BET1L: variants seen among roughly 807,000 people sequenced by gnomAD.
BET1L encodes the protein BET1-like protein.
In BET1L, 13 loss-of-function variants were observed where a neutral mutation model predicts 12.6. The observed-to-expected ratio is 1.03, with a 90% CI of 0.67 to 1.64. BET1L has a LOEUF of 1.64. Among genes scored for constraint, BET1L ranks in the 40% most tolerant of loss-of-function variants. The pLI is 0.00. For missense variants in BET1L, 154 were observed against 150.7 expected, an observed-to-expected ratio of 1.02 and a Z score of -0.11; for synonymous variants, 60 against 56.9, an observed-to-expected ratio of 1.05 and a Z score of -0.25.
chr11:205,905 T>C (rs1366380442), intron 2 of BET1L, 47 bp downstream of exon 2: 3 of 1,590,124 alleles, frequency 1.9e-6, no homozygotes, highest in African/African-American at 2.7e-5. Flanking sequence ...CTGATCCCCA[T>C]TCCCCAAAGG....
In BET1L at chr11:206,007, C is replaced by G. The variant is rs766180065; in HGVS notation, c.56G>C (p.Arg19Pro). 1.9e-6 allele frequency: 3 copies of G among 1,614,026 alleles called. No individual in the cohort carries two copies. The highest frequency in any genetic ancestry group is 2.5e-6 in the Non-Finnish European group (3 of 1,180,022). ...GCTGTCAGCCATTCGCTTGTTCTCC[C>G]GGTCTAGAATCTCTTCCACAGCGCC... ...SPGAVEEILD[R>P]ENKRMADSLA... is the part of the protein sequence containing the mutation. The change falls in exon 2 of 4, where the codon CGG (arginine) becomes CCG (proline). Residue 19 changes from arginine (R) to proline (P), a missense_variant. Coordinates refer to ENST00000382762, the MANE Select transcript of BET1L (RefSeq NM_001098787.2).
chr11:207,341 T>A lies in BET1L; in HGVS notation c.-20A>T. 1 of 1,198,020 alleles carries A rather than the reference T, an allele frequency of 8.3e-7. No individual in the cohort carries two copies. Among genetic ancestry groups the A allele is most frequent in the Non-Finnish European group, 1.1e-6 (1 of 899,776 alleles). The allele number at this position is 1,198,020 out of a possible 1,614,324, so 74.2% of individuals were successfully genotyped here. A position where few individuals can be genotyped will look rare whatever the true frequency, so the allele number is the denominator to read the frequency against. On this transcript the variant is annotated 5_prime_UTR_variant, in exon 1 of 4. Coordinates refer to ENST00000382762, the MANE Select transcript of BET1L (RefSeq NM_001098787.2). ...CGCCATCGTGCCCTGCCCCGGCTCC[T>A]CGACGCGGACACCGACGCGGCCACA...
chr11:204,839 C>T lies in BET1L; in HGVS notation c.*463G>A, dbSNP rs534970379. On this transcript the variant is annotated 3_prime_UTR_variant, in exon 4 of 4. Transcript: ENST00000382762. ...GGAGATGACACCCACTTAGGGTTCA[C>T]AGCCCCTTCCTGTGTCAGTTCCAGG... 5.7e-4 allele frequency: 105 copies of T among 184,556 alleles called. No homozygotes were observed. The highest frequency in any genetic ancestry group is 8.9e-4 in the Non-Finnish European group (77 of 86,614). The allele number at this position is 184,556 out of a possible 1,614,324, so 11.4% of individuals were successfully genotyped here.
At chr11:206,405 G>A (rs1239874629) in intron 1 of BET1L, among the ~76,000 whole-genome samples, 1 of 152,220 alleles carries the variant, frequency 6.6e-6, no homozygotes, top group African/African-American at 2.4e-5. Flanking sequence ...CATTCTTATA[G>A]AAAAAGAGTA....
In BET1L at chr11:205,316, T is replaced by C. The variant is rs796587757; in HGVS notation, c.322A>G (p.Arg108Gly). 11 of 1,613,058 alleles carry C rather than the reference T, an allele frequency of 6.8e-6. No individual in the cohort carries two copies. In the African/African-American group the frequency reaches 1.5e-4, roughly 21 times the overall value. ...CTCCCACTGGCTCACGTCCTTGCCCTGGACAAGAAGTAGGAGAGGATGAAG... is the reference window on the plus strand; with the variant it reads ...CTCCCACTGGCTCACGTCCTTGCCCCGGACAAGAAGTAGGAGAGGATGAAG... ...AFFILSYFLS[R>G]ART Residue 108 changes from arginine to glycine, a missense_variant, in exon 4 of 4, where the codon AGG becomes GGG. Coordinates refer to ENST00000382762, the MANE Select transcript of BET1L (RefSeq NM_001098787.2).
rs1855105656 is a variant in BET1L at position 204,358 on chromosome 11, T to C, written c.*944A>G. On this transcript the variant is annotated 3_prime_UTR_variant, in exon 4 of 4. Coordinates refer to ENST00000382762, the MANE Select transcript of BET1L (RefSeq NM_001098787.2). Reference sequence around the variant, plus strand: ...TGGGGACAAGGAGGATGGCACAGAATGCCATCACAGCCAGGGGAGTCTGGC... The same window carrying C: ...TGGGGACAAGGAGGATGGCACAGAACGCCATCACAGCCAGGGGAGTCTGGC... 1 of 152,152 alleles carries C rather than the reference T, an allele frequency of 6.6e-6. No homozygotes were observed. The highest frequency in any genetic ancestry group is 1.5e-5 in the Non-Finnish European group (1 of 68,068). The allele number at this position is 152,152 out of a possible 1,614,324, so 9.4% of individuals were successfully genotyped here.
At position 205,185 on chromosome 11, in the gene BET1L, G is replaced by A. The variant is rs118044069; in HGVS notation, c.*117C>T. 5.7e-4 allele frequency: 757 copies of A among 1,334,186 alleles called. 6 individuals are homozygous for A. The East Asian group carries it at 0.016, about 27-fold the overall frequency. The allele number at this position is 1,334,186 out of a possible 1,614,324, so 82.6% of individuals were successfully genotyped here. On this transcript the variant is annotated 3_prime_UTR_variant, in exon 4 of 4. Transcript: ENST00000382762. The stretch of plus-strand genomic sequence containing the variant: ...CCTGCCACACAGGAAGAAGATTCCT[G>A]ACCCACAATTATCATTGCAAAGGAG...
At chr11:205,584 T>A (rs1408232073) in intron 3 of BET1L, 27 bp downstream of exon 3, 1 of 1,614,072 alleles carries the variant, frequency 6.2e-7, no homozygotes, top group African/African-American at 1.3e-5. Context: ...GGCAGGGCAC[T>A]GATACACGCA....
intron 1 of BET1L, among the ~76,000 whole-genome samples, chr11:206,487 C>A (rs1564796547): frequency 6.6e-6 from 1 of 152,206 alleles, no homozygotes; most frequent in Non-Finnish European, 1.5e-5. Context: ...CCTGCAGAGA[C>A]GACCTTTGAG....
At chr11:206,955 T>C in intron 1 of BET1L, 1 of 370,978 alleles carries the variant, frequency 2.7e-6, no homozygotes, top group Non-Finnish European at 4.9e-6. Context: ...GAGCACAGCC[T>C]CTACTCCTAG....
rs1313031729 is a variant in BET1L at position 205,680 on chromosome 11, CAG to C, written c.112-15_112-14del. ...TGTCCAGGGCGAGCTGTTCAGCAGA[CAG>C]AGAGGGCAGGGTTGGGCCAGAGCAG... On this transcript the variant is annotated splice_polypyrimidine_tract_variant and intron_variant, in intron 2 of 3. Transcript: ENST00000382762. 3.7e-6 allele frequency: 6 copies of C among 1,601,426 alleles called. No homozygotes were observed. The highest frequency in any genetic ancestry group is 5.1e-6 in the Non-Finnish European group (6 of 1,175,836).
Position 205,062 on chromosome 11 carries a change from G to A in BET1L, c.*240C>T, listed in dbSNP as rs1468177226. On this transcript the variant is annotated 3_prime_UTR_variant, in exon 4 of 4. Coordinates refer to ENST00000382762, the MANE Select transcript of BET1L (RefSeq NM_001098787.2). ...CTGCCTGGCTCTCTAGCACCTGGGG[G>A]AGGGGGGAGGGGCTGGGCCTTGGTT... 7.6e-6 allele frequency: 4 copies of A among 529,708 alleles called. No homozygotes were observed. The highest frequency in any genetic ancestry group is 1.0e-5 in the Non-Finnish European group (3 of 301,376). 32.8% of individuals were successfully genotyped at this position (529,708 alleles called of 1,614,324 possible).
At chr11:206,171 C>T in intron 1 of BET1L, 128 bp from the exon 2 acceptor site, 1 of 738,874 alleles carries the variant, frequency 1.4e-6, no homozygotes, top group South Asian at 1.6e-5. Context: ...GCAGGTGAAT[C>T]TTGCACATGA....
intron 1 of BET1L, chr11:207,044 G>T (rs1855183179): frequency 2.0e-6 from 1 of 503,068 alleles, no homozygotes; most frequent in Admixed American, 4.2e-5. Flanking sequence ...GGGGGCGGCG[G>T]GGAGTGGGGA....
chr11:206,694 T>C (rs1385887638), intron 1 of BET1L, among the ~76,000 whole-genome samples: 1 of 152,108 alleles, frequency 6.6e-6, no homozygotes, highest in African/African-American at 2.4e-5. Flanking sequence ...GCCTGGCCTG[T>C]GACAGGCTGG....
Position 204,380 on chromosome 11 carries a change from T to G in BET1L, c.*922A>C, listed in dbSNP as rs1167840747. ...GAATGCCATCACAGCCAGGGGAGTC[T>G]GGCAGGGCTTGGCGGAGGCGCCAAA... On this transcript the variant is annotated 3_prime_UTR_variant, in exon 4 of 4. Transcript: ENST00000382762. 6.6e-6 allele frequency: 1 copy of G among 152,246 alleles called. No homozygotes were observed. Among genetic ancestry groups the G allele is most frequent in the African/African-American group, 2.4e-5 (1 of 41,438 alleles). 9.4% of individuals were successfully genotyped at this position (152,246 alleles called of 1,614,324 possible). A position where few individuals can be genotyped will look rare whatever the true frequency, so the allele number is the denominator to read the frequency against.
intron 3 of BET1L, 31 bp downstream of exon 3, chr11:205,580 G>C (rs759929768): frequency 6.2e-7 from 1 of 1,614,056 alleles, no homozygotes; most frequent in Admixed American, 1.7e-5. Context: ...CTAGGGCAGG[G>C]CACTGATACA....
chr11:205,196 A>G lies in BET1L; in HGVS notation c.*106T>C. 1.5e-6 allele frequency: 2 copies of G among 1,370,624 alleles called. No homozygotes were observed. The highest frequency in any genetic ancestry group is 2.5e-4 in the Middle Eastern group (1 of 3,922). 84.9% of individuals were successfully genotyped at this position (1,370,624 alleles called of 1,614,324 possible). On this transcript the variant is annotated 3_prime_UTR_variant, in exon 4 of 4. Transcript: ENST00000382762. ...GGAAGAAGATTCCTGACCCACAATT[A>G]TCATTGCAAAGGAGTATTTTGTAGG...
rs1855189723 is a variant in BET1L at position 207,194 on chromosome 11, G to C, written c.19+109C>G. 14 of 1,395,192 alleles carry C rather than the reference G, an allele frequency of 1.0e-5. No individual in the cohort carries two copies. The East Asian group carries it at 4.0e-4, about 40-fold the overall frequency. 86.4% of individuals were successfully genotyped at this position (1,395,192 alleles called of 1,614,324 possible). A position where few individuals can be genotyped will look rare whatever the true frequency, so the allele number is the denominator to read the frequency against. On this transcript the variant is annotated intron_variant, in intron 1 of 3. Transcript: ENST00000382762. ...TCCGCCCCCCTGACAGGGTCCTCTC[G>C]GCCGAGGTCACCCCAGCTGGGCCAG...
Sources: allele counts gnomAD v4.1 joint callset (sites outside exome capture counted in the v4.1 genomes callset), GRCh38; gene constraint gnomAD v4.1.1; transcripts MANE v1.5; gene names NCBI Gene and HGNC (gene_info 2026-07-23, HGNC 2026-07-21).